KCNQ2: variants seen among roughly 807,000 people sequenced by gnomAD.
KCNQ2 encodes potassium voltage-gated channel subfamily Q member 2.
KCNQ2 carries 14 observed loss-of-function variants against 84.8 expected under a neutral mutation model. The observed-to-expected ratio is 0.17, with a 90% CI of 0.11 to 0.26. The LOEUF is 0.26. Among genes scored for constraint, KCNQ2 ranks in the 10% least tolerant of loss-of-function variants. The pLI is 1.00. For missense variants in KCNQ2, 788 were observed against 1,254.0 expected, an observed-to-expected ratio of 0.63 and a Z score of 5.61; for synonymous variants, 599 against 554.1, an observed-to-expected ratio of 1.08 and a Z score of -1.14.
intron 1 of KCNQ2, among the ~76,000 whole-genome samples, chr20:63,449,954 C>A (rs900843258): frequency 6.6e-6 from 1 of 152,040 alleles, no homozygotes; most frequent in Non-Finnish European, 1.5e-5. Flanking sequence ...TCAGAGCAGA[C>A]CCCGTCCCGC....
chr20:63,469,367 C>T lies in KCNQ2; in HGVS notation c.296+2801G>A, dbSNP rs185567257. Among the ~76,000 whole-genome samples the T allele has an allele frequency of 7.3e-3, 1,109 of 152,354 alleles. 88 individuals are homozygous for T. The South Asian group carries it at 0.19, about 26-fold the overall frequency. ...GTCTCCAGAGCCTCTGGGAAAGCAC[C>T]CAGGCAGTGCGAGCAGAGGCCACGG... On this transcript the variant is annotated intron_variant, in intron 1 of 16. Transcript: ENST00000359125.
chr20:63,418,888 C>T (rs914160113), intron 12 of KCNQ2, among the ~76,000 whole-genome samples: 1 of 152,164 alleles, frequency 6.6e-6, no homozygotes, highest in Non-Finnish European at 1.5e-5. Context: ...CCAAGGCCAG[C>T]ACCACCGGCG....
At chr20:63,413,606 G>A in intron 14 of KCNQ2, 25 bp from the exon 15 acceptor site, 2 of 1,610,240 alleles carry the variant, frequency 1.2e-6, no homozygotes, top group Non-Finnish European at 1.7e-6. Flanking sequence ...GTGGGGCTGT[G>A]AGCCCTGGGC....
chr20:63,410,230 C>G (rs984659633), intron 15 of KCNQ2, among the ~76,000 whole-genome samples: 6 of 152,180 alleles, frequency 3.9e-5, no homozygotes, highest in African/African-American at 1.4e-4. Context: ...TGCTCAGCAC[C>G]TTCGCCCCTG....
intron 1 of KCNQ2, among the ~76,000 whole-genome samples, chr20:63,464,768 C>T (rs528230669): frequency 6.6e-6 from 1 of 152,326 alleles, no homozygotes; most frequent in Admixed American, 6.5e-5. Flanking sequence ...ACAAGTGGCA[C>T]ATTGATCCGC....
At chr20:63,451,039 G>A (rs1426772688) in intron 1 of KCNQ2, among the ~76,000 whole-genome samples, 1 of 151,582 alleles carries the variant, frequency 6.6e-6, no homozygotes, top group Non-Finnish European at 1.5e-5. Context: ...TTGGAAGGCT[G>A]AGGCAGAAGA....
chr20:63,451,121 G>A (rs1486082277), intron 1 of KCNQ2, among the ~76,000 whole-genome samples: 2 of 144,432 alleles, frequency 1.4e-5, no homozygotes, highest in African/African-American at 2.6e-5. Flanking sequence ...CTAGGCAATA[G>A]AGCAAGACTC....
Position 63,405,346 on chromosome 20 carries a change from T to A in KCNQ2, c.*1298A>T, listed in dbSNP as rs2079904865. 6.6e-6 allele frequency: 1 copy of A among 152,112 alleles called. No individual in the cohort carries two copies. The highest frequency in any genetic ancestry group is 2.4e-5 in the African/African-American group (1 of 41,410). The allele number at this position is 152,112 out of a possible 1,614,324, so 9.4% of individuals were successfully genotyped here. On this transcript the variant is annotated 3_prime_UTR_variant, in exon 17 of 17. Transcript: ENST00000359125. ...CTTAAGTCTGGAGCTAGGGACTCGC[T>A]CCCGCATTAGAGCCGCCTGCCCCAA...
rs151296993 is a variant in KCNQ2, at chr20:63,408,884, T to C, written c.1764-348A>G. On this transcript the variant is annotated intron_variant, in intron 15 of 16. Coordinates refer to ENST00000359125, the MANE Select transcript of KCNQ2 (RefSeq NM_172107.4). The surrounding 1 kb of genome is among the most constrained non-coding windows in gnomAD (Gnocchi z 5.0). ...CAGCCAGCCCCACCTGCTCACCCTC[T>C]TCCCTGCCCAAGGCCTATTGGCCCC... 2.1e-3 allele frequency among the ~76,000 whole-genome samples: 324 copies of C among 152,218 alleles called. No individual in the cohort carries two copies. The highest frequency in any genetic ancestry group is 3.5e-3 in the Non-Finnish European group (236 of 68,000).
At position 63,404,930 on chromosome 20, in the gene KCNQ2, T is replaced by G. The variant is rs374802757; in HGVS notation, c.*1714A>C. 6.6e-6 allele frequency: 1 copy of G among 152,210 alleles called. No individual in the cohort carries two copies. Among genetic ancestry groups the G allele is most frequent in the Non-Finnish European group, 1.5e-5 (1 of 68,076 alleles). 9.4% of individuals were successfully genotyped at this position (152,210 alleles called of 1,614,324 possible). On this transcript the variant is annotated 3_prime_UTR_variant, in exon 17 of 17. Transcript: ENST00000359125. ...GAGGCACCTCAATGGCGACAGGGCC[T>G]GGGAGTGCCCTGGCCGGGCTGGGGG...
intron 7 of KCNQ2, among the ~76,000 whole-genome samples, chr20:63,437,177 G>A (rs1429618729): frequency 2.6e-5 from 4 of 152,178 alleles, no homozygotes; most frequent in African/African-American, 9.7e-5. Context: ...CACGGCTGCA[G>A]GTCCTCTGAG....
In KCNQ2 at chr20:63,416,221, C is replaced by T. The variant is rs370221072; in HGVS notation, c.1302-1095G>A. 6.6e-5 allele frequency among the ~76,000 whole-genome samples: 10 copies of T among 152,328 alleles called. No individual in the cohort carries two copies. The East Asian group carries it at 1.2e-3, about 18-fold the overall frequency. On this transcript the variant is annotated intron_variant, in intron 12 of 16. Coordinates refer to ENST00000359125, the MANE Select transcript of KCNQ2 (RefSeq NM_172107.4). Reference sequence around the variant, plus strand: ...GGCCCGGCCCCCTCGGCCTGCGAGGCGTGAAGCAGGATTTGCAGCTGTGTC... The same window carrying T: ...GGCCCGGCCCCCTCGGCCTGCGAGGTGTGAAGCAGGATTTGCAGCTGTGTC...
intron 1 of KCNQ2, among the ~76,000 whole-genome samples, chr20:63,455,933 C>T (rs1354167066): frequency 6.5e-5 from 7 of 108,378 alleles, no homozygotes; most frequent in Admixed American, 1.7e-4. Flanking sequence ...CCTCTGCTCA[C>T]GGGCCCCCCA....
intron 1 of KCNQ2, among the ~76,000 whole-genome samples, chr20:63,471,940 C>G (rs1432070568): frequency 6.6e-6 from 1 of 152,156 alleles, no homozygotes; most frequent in African/African-American, 2.4e-5. Flanking sequence ...GGGCCTGGAG[C>G]CCCCACCCCG....
At chr20:63,454,037 G>A (rs955070958) in intron 1 of KCNQ2, among the ~76,000 whole-genome samples, 3 of 152,182 alleles carry the variant, frequency 2.0e-5, no homozygotes, top group African/African-American at 7.2e-5. Flanking sequence ...AGGTGGCTCC[G>A]ACCAGGCATC....
At chr20:63,463,117 G>A (rs1257211617) in intron 1 of KCNQ2, among the ~76,000 whole-genome samples, 1 of 151,618 alleles carries the variant, frequency 6.6e-6, no homozygotes, top group East Asian at 1.9e-4. Context: ...ACCTATTCTG[G>A]AAGAACGGGT....
At position 63,400,925 on chromosome 20, in the gene KCNQ2, CAG is replaced by C; in HGVS notation, c.*5717_*5718del. 1 of 398,212 alleles carries C rather than the reference CAG, an allele frequency of 2.5e-6. No individual in the cohort carries two copies. Among genetic ancestry groups the C allele is most frequent in the Non-Finnish European group, 4.4e-6 (1 of 225,754 alleles). 24.7% of individuals were successfully genotyped at this position (398,212 alleles called of 1,614,324 possible). On this transcript the variant is annotated 3_prime_UTR_variant, in exon 17 of 17. Transcript: ENST00000359125. This position sits in a 1 kb window ranked among gnomAD's most constrained non-coding sequence, Gnocchi z 8.7. ...ACAGCCAGGGGGCATGGGGCGACCTCAGGGAGTTCCTGTCCACATGCATTAAG... is the reference window on the plus strand; with the variant it reads ...ACAGCCAGGGGGCATGGGGCGACCTCGGAGTTCCTGTCCACATGCATTAAG...
At chr20:63,426,557 C>T (rs2080641881) in intron 10 of KCNQ2, among the ~76,000 whole-genome samples, 1 of 151,918 alleles carries the variant, frequency 6.6e-6, no homozygotes, top group East Asian at 1.9e-4. Context: ...CTCTGAATCT[C>T]CCTGTTTCCT....
chr20:63,415,575 G>A (rs1265027243), intron 12 of KCNQ2, among the ~76,000 whole-genome samples: 1 of 151,760 alleles, frequency 6.6e-6, no homozygotes, highest in Non-Finnish European at 1.5e-5. Flanking sequence ...GGGGAGGCTG[G>A]GTGGGCAGCA....
Sources: allele counts gnomAD v4.1 joint callset (sites outside exome capture counted in the v4.1 genomes callset), GRCh38; gene constraint gnomAD v4.1.1; non-coding constraint Gnocchi (gnomAD v3.1); transcripts MANE v1.5; gene names NCBI Gene and HGNC (gene_info 2026-07-23, HGNC 2026-07-21).